The following SUGCT variants were observed in gnomAD, a reference collection of about 807,000 sequenced individuals.
SUGCT encodes the protein succinyl-CoA:glutarate-CoA transferase.
SUGCT carries 41 observed loss-of-function variants against 55.0 expected under a neutral mutation model. That is an observed-to-expected ratio of 0.74 (90% CI 0.58 to 0.97). SUGCT has a LOEUF of 0.97. Ranked by LOEUF, SUGCT falls within the 50% of genes least tolerant of loss-of-function variation. The probability of loss-of-function intolerance (pLI) is 0.00; values close to 1 mark genes in which losing one functional copy is unlikely to be tolerated. For synonymous variants in SUGCT, 187 were observed against 200.4 expected (o/e 0.93, Z 0.56); for missense variants, 568 against 547.8 (o/e 1.04, Z -0.37).
chr7:40,442,470 T>C (rs978683404), intron 9 of SUGCT, among the ~76,000 whole-genome samples: 1 of 152,182 alleles, frequency 6.6e-6, no homozygotes, highest in Non-Finnish European at 1.5e-5. Context: ...TGGGTGATGA[T>C]ATCATGCAGT....
chr7:40,564,726 C>T (rs1796031313), intron 12 of SUGCT, among the ~76,000 whole-genome samples: 2 of 152,250 alleles, frequency 1.3e-5, no homozygotes, highest in South Asian at 4.2e-4. Flanking sequence ...ATGTGACTGT[C>T]TTCTAGGAGG....
rs1219301236 is a variant in SUGCT, at chr7:40,421,803, G to T, written c.817-27484G>T. 3.3e-5 allele frequency among the ~76,000 whole-genome samples: 5 copies of T among 152,108 alleles called. No individual in the cohort carries two copies. The East Asian group carries it at 9.6e-4, about 29-fold the overall frequency. ...CGCTGATACTTGTAATCACTCTTAG[G>T]ACTGTGTACTCACTGATACTTGTCA... On this transcript the variant is annotated intron_variant, in intron 9 of 13. Coordinates refer to ENST00000335693, the MANE Select transcript of SUGCT (RefSeq NM_001193313.2).
chr7:40,667,385 G>A (rs1382241178), intron 12 of SUGCT, among the ~76,000 whole-genome samples: 2 of 151,998 alleles, frequency 1.3e-5, no homozygotes, highest in South Asian at 2.1e-4. Flanking sequence ...TATGTTCATC[G>A]GGGTGTTGGC....
intron 8 of SUGCT, among the ~76,000 whole-genome samples, chr7:40,301,726 C>T (rs1007403290): frequency 4.6e-5 from 7 of 152,186 alleles, no homozygotes; most frequent in Admixed American, 6.5e-5. Flanking sequence ...GTGGATCATA[C>T]AAGTAATCGT....
chr7:40,879,001 C>A, the SUGCT span, among the ~76,000 whole-genome samples: 1 of 151,976 alleles, frequency 6.6e-6, no homozygotes, highest in Non-Finnish European at 1.5e-5. Context: ...ACCATGTTGG[C>A]CAGGATGGTC....
intron 1 of SUGCT, among the ~76,000 whole-genome samples, chr7:40,141,444 C>T (rs1330796128): frequency 6.6e-6 from 1 of 151,816 alleles, no homozygotes; most frequent in African/African-American, 2.4e-5. Context: ...ACCAGCCTGG[C>T]CAACATAGTG....
chr7:40,235,259 T>C (rs1235263660), intron 6 of SUGCT, among the ~76,000 whole-genome samples: 1 of 152,214 alleles, frequency 6.6e-6, no homozygotes, highest in Admixed American at 6.5e-5. Context: ...GGTAGATTAA[T>C]TGGTGATTAT....
intron 12 of SUGCT, among the ~76,000 whole-genome samples, chr7:40,548,186 C>CTTTTTTTT (rs1186226631): frequency 6.1e-3 from 634 of 104,264 alleles, no homozygotes; most frequent in East Asian, 9.7e-3. Flanking sequence ...TTCTTTCTTT[C>CTTTTTTTT]TTTTTTTTTT....
At chr7:40,158,071 G>A (rs1033264387) in intron 1 of SUGCT, among the ~76,000 whole-genome samples, 1 of 152,078 alleles carries the variant, frequency 6.6e-6, no homozygotes, top group African/African-American at 2.4e-5. Flanking sequence ...GCCAGGTATG[G>A]TTGTGCGTGT....
chr7:40,478,036 A>G (rs1199693826), intron 11 of SUGCT, among the ~76,000 whole-genome samples: 1 of 152,152 alleles, frequency 6.6e-6, no homozygotes, highest in East Asian at 1.9e-4. Context: ...TGTGTTGCCC[A>G]GGCTGGAGGG....
chr7:40,155,470 A>G (rs1206592861), intron 1 of SUGCT, among the ~76,000 whole-genome samples: 1 of 152,192 alleles, frequency 6.6e-6, no homozygotes, highest in Non-Finnish European at 1.5e-5. Context: ...TTTTGTGAGC[A>G]ACATAGGTAT....
At chr7:40,514,143 G>GTT (rs1006557882) in intron 12 of SUGCT, among the ~76,000 whole-genome samples, 2 of 147,650 alleles carry the variant, frequency 1.4e-5, no homozygotes. Flanking sequence ...AATATGGACT[G>GTT]TTTTTTTTTT....
At chr7:40,598,716 G>C (rs2329819) in intron 12 of SUGCT, among the ~76,000 whole-genome samples, 31,538 of 152,074 alleles carry the variant, frequency 0.21, 5,589 homozygotes, top group African/African-American at 0.48. Flanking sequence ...GATATTATTT[G>C]AGAAAACCAG....
intron 12 of SUGCT, among the ~76,000 whole-genome samples, chr7:40,514,755 G>A (rs1220398150): frequency 6.8e-6 from 1 of 146,872 alleles, no homozygotes; most frequent in Non-Finnish European, 1.5e-5. Flanking sequence ...ATGTATTTGC[G>A]ATGAGAGATT....
chr7:40,518,393 A>T (rs1422356010), intron 12 of SUGCT, among the ~76,000 whole-genome samples: 5 of 152,122 alleles, frequency 3.3e-5, no homozygotes, highest in Admixed American at 3.3e-4. Flanking sequence ...ACTAGGTTTG[A>T]ACACATAAGC....
Position 40,395,489 on chromosome 7 carries a change from CAAAAAAA to C in SUGCT, c.817-53779_817-53773del, listed in dbSNP as rs36068766. Among the ~76,000 whole-genome samples the C allele has an allele frequency of 8.0e-4, 37 of 46,130 alleles. 1 individual carries two copies. Among genetic ancestry groups the C allele is most frequent in the African/African-American group, 1.0e-3 (14 of 13,604 alleles). 30.3% of individuals were successfully genotyped at this position (46,130 alleles called of 152,430 possible). A position where few individuals can be genotyped will look rare whatever the true frequency, so the allele number is the denominator to read the frequency against. On this transcript the variant is annotated intron_variant, in intron 9 of 13. Coordinates refer to ENST00000335693, the MANE Select transcript of SUGCT (RefSeq NM_001193313.2). ...GGGCTACAAGAGAGAAACTCTGTCT[CAAAAAAA>C]AAAAAAAAAAAAAAAAAAGAAAAAA...
intron 12 of SUGCT, among the ~76,000 whole-genome samples, chr7:40,501,670 C>G (rs1792288425): frequency 6.6e-6 from 1 of 152,066 alleles, no homozygotes; most frequent in Admixed American, 6.6e-5. Flanking sequence ...TCATCATTGA[C>G]ATCCACTATG....
chr7:40,896,920 A>G, the SUGCT span, among the ~76,000 whole-genome samples: 2 of 152,218 alleles, frequency 1.3e-5, no homozygotes, highest in Non-Finnish European at 2.9e-5. Context: ...GAACAAAAAG[A>G]ACAAAGCTGG....
chr7:40,267,495 A>G (rs1418739991), intron 7 of SUGCT, among the ~76,000 whole-genome samples: 1 of 152,210 alleles, frequency 6.6e-6, no homozygotes, highest in Non-Finnish European at 1.5e-5. Context: ...TTTGTGAATT[A>G]CCCATTTTTT....
Sources: gnomAD v4.1 joint callset for allele counts (sites outside exome capture counted in the v4.1 genomes callset) on GRCh38, gnomAD v4.1.1 for gene constraint, MANE v1.5 for transcripts, NCBI Gene and HGNC (gene_info 2026-07-23, HGNC 2026-07-21) for gene names.